The following SLC15A4 variants were observed in gnomAD, a reference collection of about 807,000 sequenced individuals.
SLC15A4 encodes hPHT1.
SLC15A4 carries 26 observed loss-of-function variants against 46.1 expected under a neutral mutation model. That is an observed-to-expected ratio of 0.56 (90% CI 0.41 to 0.78). The LOEUF is 0.78. Ranked by LOEUF, SLC15A4 falls within the 30% of genes least tolerant of loss-of-function variation. The pLI is 0.00. For synonymous variants in SLC15A4, 370 were observed against 333.4 expected, an observed-to-expected ratio of 1.11 and a Z score of -1.20; for missense variants, 751 against 755.7, an observed-to-expected ratio of 0.99 and a Z score of 0.07.
At chr12:128,800,653 G>A (rs536084344) in intron 6 of SLC15A4, among the ~76,000 whole-genome samples, 36 of 152,320 alleles carry the variant, frequency 2.4e-4, no homozygotes, top group South Asian at 2.3e-3. Flanking sequence ...AATATTTTGC[G>A]ATACTGTTTT....
intron 5 of SLC15A4, among the ~76,000 whole-genome samples, chr12:128,804,210 A>T (rs1429570488): frequency 6.6e-6 from 1 of 152,238 alleles, no homozygotes; most frequent in Non-Finnish European, 1.5e-5. Context: ...AAAATTTGCC[A>T]TCATTAACAA....
chr12:128,799,010 G>A (rs1955481853), intron 7 of SLC15A4, among the ~76,000 whole-genome samples: 1 of 152,190 alleles, frequency 6.6e-6, no homozygotes, highest in Non-Finnish European at 1.5e-5. Context: ...TGCTCGCTGG[G>A]CTGTGGCCAG....
Position 128,793,257 on chromosome 12 carries a change from GA to G in SLC15A4, c.*938del, listed in dbSNP as rs1275371021. 1 of 152,160 alleles carries G rather than the reference GA, an allele frequency of 6.6e-6. No individual in the cohort carries two copies. The highest frequency in any genetic ancestry group is 2.4e-5 in the African/African-American group (1 of 41,424). The allele number at this position is 152,160 out of a possible 1,614,324, so 9.4% of individuals were successfully genotyped here. On this transcript the variant is annotated 3_prime_UTR_variant, in exon 8 of 8. Transcript: ENST00000266771. ...TGCCAAAAATACAGCAACAAATACA[GA>G]AAAAGTATTAACAAACGGAGAAGCC...
At chr12:128,818,532 T>G (rs909369360) in intron 1 of SLC15A4, among the ~76,000 whole-genome samples, 1 of 152,242 alleles carries the variant, frequency 6.6e-6, no homozygotes, top group Non-Finnish European at 1.5e-5. Flanking sequence ...CCTCCTGCCA[T>G]GAAGCAGCCG....
chr12:128,805,761 A>G (rs1955579283), intron 5 of SLC15A4, among the ~76,000 whole-genome samples: 1 of 152,124 alleles, frequency 6.6e-6, no homozygotes, highest in East Asian at 1.9e-4. Flanking sequence ...CAAACTCCCA[A>G]CCTCAGGTGA....
intron 7 of SLC15A4, among the ~76,000 whole-genome samples, chr12:128,797,118 C>T (rs1955454627): frequency 6.6e-6 from 1 of 152,126 alleles, no homozygotes; most frequent in Non-Finnish European, 1.5e-5. Context: ...AAGACAGACT[C>T]TTGGGTCCCC....
intron 7 of SLC15A4, among the ~76,000 whole-genome samples, chr12:128,796,096 T>TTG (rs554946283): frequency 9.8e-5 from 15 of 152,316 alleles, no homozygotes; most frequent in Non-Finnish European, 1.6e-4. Context: ...ATATACTGCA[T>TTG]GTTCAACAGT....
intron 1 of SLC15A4, 48 bp downstream of exon 1, chr12:128,823,350 G>C (rs1225149397): frequency 7.4e-7 from 1 of 1,350,008 alleles, no homozygotes; most frequent in African/African-American, 1.5e-5. Context: ...GCTGGGGCTG[G>C]GCAGGGGCTG....
At chr12:128,808,991 C>T (rs759237444) in intron 4 of SLC15A4, 35 bp from the exon 5 acceptor site, 20 of 1,591,062 alleles carry the variant, frequency 1.3e-5, no homozygotes, top group Admixed American at 1.2e-4. Context: ...GTTTACTCCC[C>T]GCAATACAGG....
intron 5 of SLC15A4, among the ~76,000 whole-genome samples, chr12:128,806,489 CTA>C (rs1189940986): frequency 1.3e-5 from 2 of 152,110 alleles, no homozygotes; most frequent in Admixed American, 1.3e-4. Context: ...TTTTGGTTTG[CTA>C]TGATGGTTTC....
intron 5 of SLC15A4, among the ~76,000 whole-genome samples, chr12:128,803,873 G>C (rs1284024772): frequency 6.6e-6 from 1 of 152,130 alleles, no homozygotes; most frequent in Non-Finnish European, 1.5e-5. Flanking sequence ...GTCCTCGTGG[G>C]GCTCCCTTCT....
intron 2 of SLC15A4, chr12:128,810,336 A>C (rs10773579): frequency 0.73 from 354,930 of 485,044 alleles, 130,897 homozygotes; most frequent in East Asian, 0.78. Flanking sequence ...AGTCAAAGTG[A>C]AACTGGGCTA....
Position 128,794,270 on chromosome 12 carries a change from A to G in SLC15A4, c.1660T>C (p.Ser554Pro). ...TCTCGATGATGGTCATATTTCACAGAAATAATGAGGAAAAGCAGGAGGGTA... is the reference window on the plus strand; with the variant it reads ...TCTCGATGATGGTCATATTTCACAGGAATAATGAGGAAAAGCAGGAGGGTA... ...GATLLLFLII[S>P]VKYDHHRDHQ... Residue 554 changes from serine to proline, a missense_variant, in exon 8 of 8, where the codon TCT becomes CCT. Coordinates refer to ENST00000266771, the MANE Select transcript of SLC15A4 (RefSeq NM_145648.4). 2 of 1,614,098 alleles carry G rather than the reference A, an allele frequency of 1.2e-6. No individual in the cohort carries two copies. The highest frequency in any genetic ancestry group is 2.2e-5 in the South Asian group (2 of 91,082).
chr12:128,794,635 AAGG>A (rs766415136), intron 7 of SLC15A4, among the ~76,000 whole-genome samples: 6 of 152,160 alleles, frequency 3.9e-5, no homozygotes, highest in Non-Finnish European at 8.8e-5. Context: ...TGTAAGGTAA[AAGG>A]AGGAGGTTCC....
intron 5 of SLC15A4, among the ~76,000 whole-genome samples, chr12:128,803,318 A>G (rs1212780794): frequency 6.6e-6 from 1 of 152,224 alleles, no homozygotes; most frequent in Non-Finnish European, 1.5e-5. Flanking sequence ...AAATACCAAG[A>G]AGAGAGAAAA....
chr12:128,797,222 G>A (rs1955456248), intron 7 of SLC15A4, among the ~76,000 whole-genome samples: 1 of 152,146 alleles, frequency 6.6e-6, no homozygotes, highest in Non-Finnish European at 1.5e-5. Context: ...ACCGACAACA[G>A]CATGGATAAA....
intron 7 of SLC15A4, among the ~76,000 whole-genome samples, chr12:128,795,759 A>C (rs974723110): frequency 2.0e-5 from 3 of 152,252 alleles, no homozygotes; most frequent in African/African-American, 4.8e-5. Context: ...TTAGCTCGTC[A>C]TGACTGGTCA....
chr12:128,820,400 T>C (rs571112723), intron 1 of SLC15A4, among the ~76,000 whole-genome samples: 1 of 152,226 alleles, frequency 6.6e-6, no homozygotes, highest in Non-Finnish European at 1.5e-5. Context: ...TCGTCACATA[T>C]GTAAAGCATA....
At chr12:128,800,074 C>G (rs1955497424) in intron 6 of SLC15A4, among the ~76,000 whole-genome samples, 1 of 152,112 alleles carries the variant, frequency 6.6e-6, no homozygotes. Context: ...AACTCCTGAC[C>G]TCAGGTGATC....
Sources: gnomAD v4.1 joint callset for allele counts (sites outside exome capture counted in the v4.1 genomes callset) on GRCh38, gnomAD v4.1.1 for gene constraint, MANE v1.5 for transcripts, NCBI Gene and HGNC (gene_info 2026-07-23, HGNC 2026-07-21) for gene names.